Variants in COL13A1 observed in about 807,000 individuals in gnomAD.
The protein encoded by COL13A1 is collagen alpha-1(XIII) chain.
COL13A1 carries 89 observed loss-of-function variants against 130.9 expected under a neutral mutation model. That is an observed-to-expected ratio of 0.68 (90% CI 0.57 to 0.81). The LOEUF (loss-of-function observed/expected upper bound fraction) is 0.81, where lower values mean the gene tolerates loss of function less well. Among genes scored for constraint, COL13A1 ranks in the 30% least tolerant of loss-of-function variants. COL13A1 has a pLI of 0.00. For missense variants in COL13A1, 879 were observed against 934.6 expected, an observed-to-expected ratio of 0.94 and a Z score of 0.78; for synonymous variants, 402 against 341.6, an observed-to-expected ratio of 1.18 and a Z score of -1.95.
chr10:69,886,844 A>G (rs989256393), intron 7 of COL13A1, among the ~76,000 whole-genome samples: 1 of 152,204 alleles, frequency 6.6e-6, no homozygotes, highest in African/African-American at 2.4e-5. Flanking sequence ...ATATTTATTT[A>G]TGTTGCACTC....
At chr10:69,809,360 T>C (rs1321418821) in intron 1 of COL13A1, among the ~76,000 whole-genome samples, 2 of 152,250 alleles carry the variant, frequency 1.3e-5, no homozygotes, top group African/African-American at 4.8e-5. Context: ...TTATTGAGTT[T>C]ACGCTGTGTA....
chr10:69,949,971 TG>T (rs2069211372), intron 38 of COL13A1, among the ~76,000 whole-genome samples: 2 of 151,746 alleles, frequency 1.3e-5, no homozygotes, highest in East Asian at 1.9e-4. Flanking sequence ...TGTGCGTGTG[TG>T]TGTGTGTGTG....
intron 3 of COL13A1, among the ~76,000 whole-genome samples, chr10:69,869,252 C>G (rs531155979): frequency 6.6e-6 from 1 of 152,338 alleles, no homozygotes; most frequent in South Asian, 2.1e-4. Flanking sequence ...TCAGTCTCTG[C>G]CCACAGAGTG....
At chr10:69,858,358 T>G (rs115360265) in intron 2 of COL13A1, among the ~76,000 whole-genome samples, 1,897 of 152,318 alleles carry the variant, frequency 0.012, 37 homozygotes, top group African/African-American at 0.043. Context: ...GTGAGGTAGA[T>G]ACTCTTATTA....
intron 7 of COL13A1, among the ~76,000 whole-genome samples, chr10:69,884,779 C>T (rs2060459864): frequency 1.3e-5 from 2 of 152,136 alleles, no homozygotes; most frequent in South Asian, 4.1e-4. Flanking sequence ...GGAAATCCAA[C>T]GAAATTCTAC....
At chr10:69,884,330 G>A (rs1215748855) in intron 7 of COL13A1, among the ~76,000 whole-genome samples, 1 of 152,142 alleles carries the variant, frequency 6.6e-6, no homozygotes, top group Non-Finnish European at 1.5e-5. Flanking sequence ...GCTCTATGAG[G>A]CAGGGCTCTC....
intron 32 of COL13A1, among the ~76,000 whole-genome samples, 151 bp downstream of exon 32, chr10:69,935,542 CCATGTTAAA>C (rs1389871903): frequency 1.3e-5 from 2 of 152,214 alleles, no homozygotes; most frequent in Non-Finnish European, 2.9e-5. Context: ...CTTTTCCCTC[CCATGTTAAA>C]CAGCACCATA....
At chr10:69,940,846 T>G (rs2067525880) in intron 34 of COL13A1, 142 bp from the exon 35 acceptor site, 4 of 1,140,122 alleles carry the variant, frequency 3.5e-6, no homozygotes, top group Admixed American at 4.0e-5. Flanking sequence ...CCAAGCTTAT[T>G]TCTCCAGTTG....
intron 38 of COL13A1, among the ~76,000 whole-genome samples, chr10:69,949,940 G>GTGGGTGCATGTGTT (rs2069156387): frequency 6.9e-6 from 1 of 143,996 alleles, no homozygotes; most frequent in Non-Finnish European, 1.6e-5. Context: ...TTGTGTGTGT[G>GTGGGTGCATGTGTT]TGTGTGTGCG....
At chr10:69,867,128 C>T (rs959851045) in intron 2 of COL13A1, among the ~76,000 whole-genome samples, 3 of 152,066 alleles carry the variant, frequency 2.0e-5, no homozygotes, top group African/African-American at 7.2e-5. Flanking sequence ...CTGCTGCGGC[C>T]GTGGGAGGGA....
intron 1 of COL13A1, among the ~76,000 whole-genome samples, chr10:69,810,446 G>A (rs1842759850): frequency 6.6e-6 from 1 of 151,758 alleles, no homozygotes; most frequent in Non-Finnish European, 1.5e-5. Flanking sequence ...CCCCTTACCC[G>A]GGTCCCAAGC....
rs2065955756 is a variant in COL13A1, at chr10:69,930,403, C to T, written c.1534C>T (p.Pro512Ser). The change falls in exon 30 of 41, where the codon CCT becomes TCT. Residue 512 changes from proline to serine, a missense_variant. By Grantham distance (74) the Pro-to-Ser change is moderately conservative. This residue lies in a region of COL13A1 where 715 missense variants were observed against 721.0 expected (regional missense o/e 0.99). Coordinates refer to ENST00000645393, the MANE Select transcript of COL13A1 (RefSeq NM_001368882.1). Reference sequence around the variant, plus strand: ...GCGTTTTTGGTATTTTCTAAAGGGACCTCGCGGTAAACCAGGAGACATGGG... The same window carrying T: ...GCGTTTTTGGTATTTTCTAAAGGGATCTCGCGGTAAACCAGGAGACATGGG... ...GPPGHDGEKG[P>S]RGKPGDMGPP... 1 of 1,603,268 alleles carries T rather than the reference C, an allele frequency of 6.2e-7. No homozygotes were observed. Among genetic ancestry groups the T allele is most frequent in the Admixed American group, 1.8e-5 (1 of 56,380 alleles).
rs1409124641 is a variant in COL13A1 at position 69,887,493 on chromosome 10, T to A, written c.549+2T>A. ...ACTAGAGGTTTCCCTGGATTTCCGG[T>A]AAGTGGAGAAGGCTGAAGTTAGCTG... On this transcript the variant is annotated splice_donor_variant, in intron 8 of 40. Coordinates refer to ENST00000645393, the MANE Select transcript of COL13A1 (RefSeq NM_001368882.1). LOFTEE classifies it high-confidence loss of function. 1 of 1,613,302 alleles carries A rather than the reference T, an allele frequency of 6.2e-7. No homozygotes were observed. Among genetic ancestry groups the A allele is most frequent in the Non-Finnish European group, 8.5e-7 (1 of 1,179,760 alleles).
chr10:69,914,608 G>A (rs2063725687), intron 17 of COL13A1, among the ~76,000 whole-genome samples: 2 of 152,284 alleles, frequency 1.3e-5, no homozygotes, highest in South Asian at 2.1e-4. Context: ...GGATGACGGG[G>A]GCCTCTGAAT....
intron 39 of COL13A1, among the ~76,000 whole-genome samples, chr10:69,954,268 C>T (rs2070210595): frequency 6.6e-6 from 1 of 152,242 alleles, no homozygotes; most frequent in South Asian, 2.1e-4. Context: ...CTTCCTGCTG[C>T]AGCTACCTCT....
intron 39 of COL13A1, among the ~76,000 whole-genome samples, chr10:69,953,393 G>T (rs1278865772): frequency 2.0e-5 from 3 of 152,176 alleles, no homozygotes; most frequent in African/African-American, 7.2e-5. Context: ...ACTTGATCAG[G>T]ATGCAGGACA....
intron 2 of COL13A1, among the ~76,000 whole-genome samples, chr10:69,863,497 G>A (rs1189989851): frequency 1.3e-5 from 2 of 152,162 alleles, no homozygotes; most frequent in East Asian, 3.9e-4. Flanking sequence ...TAGGAGCCCA[G>A]CGGTCAAGCA....
intron 34 of COL13A1, among the ~76,000 whole-genome samples, chr10:69,939,817 T>A (rs567609610): frequency 1.6e-4 from 25 of 152,318 alleles, no homozygotes; most frequent in African/African-American, 5.8e-4. Flanking sequence ...CACAGCTCTC[T>A]AGCCCAGTGA....
At chr10:69,889,829 C>T (rs1589321247) in intron 10 of COL13A1, among the ~76,000 whole-genome samples, 4 of 152,216 alleles carry the variant, frequency 2.6e-5, no homozygotes, top group African/African-American at 9.7e-5. Flanking sequence ...TCCCTCAAGG[C>T]CTCATAACCC....
Sources: gnomAD v4.1 joint callset for allele counts (sites outside exome capture counted in the v4.1 genomes callset) on GRCh38, gnomAD v4.1.1 for gene constraint, gnomAD v4.1.1 regional missense constraint, MANE v1.5 for transcripts, NCBI Gene and HGNC (gene_info 2026-07-23, HGNC 2026-07-21) for gene names.